Variants in KLHL13 observed in about 807,000 individuals in gnomAD.
KLHL13 encodes kelch-like protein 13.
Under a neutral mutation model 37.1 loss-of-function variants are expected in KLHL13, and 10 were observed. The observed-to-expected ratio is 0.27, with a 90% CI of 0.17 to 0.46. KLHL13 has a LOEUF of 0.46. Among genes scored for constraint, KLHL13 ranks in the 20% least tolerant of loss-of-function variants. The pLI, the probability that KLHL13 is intolerant of heterozygous loss-of-function variation, is 1.00. For missense variants in KLHL13, 360 were observed against 509.3 expected (o/e 0.71, Z 2.82); for synonymous variants, 163 against 181.2 (o/e 0.90, Z 0.81).
chrX:118,029,988 G>T (rs917319466), intron 1 of KLHL13, among the ~76,000 whole-genome samples: 4 of 109,362 alleles, frequency 3.7e-5, no homozygotes, highest in African/African-American at 1.0e-4. Flanking sequence ...AATAATAAAA[G>T]AAAAGAAAAA....
intron 2 of KLHL13, among the ~76,000 whole-genome samples, chrX:117,939,701 CT>C (rs202022134): frequency 2.7e-5 from 3 of 111,341 alleles, no homozygotes; most frequent in African/African-American, 6.6e-5. Context: ...TAATCATGAG[CT>C]TTTTTTTCAT....
intron 1 of KLHL13, among the ~76,000 whole-genome samples, chrX:117,981,289 A>C (rs1181601513): frequency 1.8e-5 from 2 of 112,194 alleles, no homozygotes; most frequent in African/African-American, 6.5e-5. Context: ...TTTGGATGCA[A>C]TGGCTATCCA....
At chrX:117,936,411 ACCTGCTCAAGCCAACCG>A (rs1318279647) in intron 2 of KLHL13, among the ~76,000 whole-genome samples, 2 of 111,961 alleles carry the variant, frequency 1.8e-5, no homozygotes, top group Admixed American at 1.9e-4. Flanking sequence ...AACCTGCTAG[ACCTGCTCAAGCCAACCG>A]CCTGCTCAAG....
At chrX:118,062,613 A>C (rs960033759) in intron 1 of KLHL13, among the ~76,000 whole-genome samples, 16 of 110,644 alleles carry the variant, frequency 1.4e-4, no homozygotes, top group South Asian at 3.8e-4. Context: ...TTGGGCCCTC[A>C]CAGTCATATC....
chrX:118,029,337 AT>A (rs1325912700), intron 1 of KLHL13, among the ~76,000 whole-genome samples: 1 of 111,928 alleles, frequency 8.9e-6, no homozygotes, highest in Non-Finnish European at 1.9e-5. Flanking sequence ...TTGCAAAAAA[AT>A]ATAAGCTAGA....
chrX:117,941,165 T>C (rs1933010556), intron 2 of KLHL13, among the ~76,000 whole-genome samples: 1 of 112,132 alleles, frequency 8.9e-6, no homozygotes, highest in African/African-American at 3.2e-5. Flanking sequence ...GTGTGTTGAA[T>C]TTTGTCAAAG....
rs185758713 is a variant in KLHL13, at chrX:118,057,813, G to A, written c.-56+58695C>T. ...TGCACTCCAGTCTGGGCAACAGAGC[G>A]AGAGTCCATTTCAAAAAAAAAAAAG... On this transcript the variant is annotated intron_variant, in intron 1 of 6. Transcript: ENST00000371882. 8.4e-3 allele frequency among the ~76,000 whole-genome samples: 913 copies of A among 108,834 alleles called. 7 individuals carry two copies. The highest frequency in any genetic ancestry group is 0.013 in the Non-Finnish European group (681 of 52,504). 94.5% of individuals were successfully genotyped at this position (108,834 alleles called of 115,157 possible).
At chrX:117,930,314 C>CAGGCAGGCAGGA (rs1569418665) in intron 2 of KLHL13, among the ~76,000 whole-genome samples, 16 of 102,442 alleles carry the variant, frequency 1.6e-4, no homozygotes, top group African/African-American at 5.5e-4. Context: ...GGCAGGCAGG[C>CAGGCAGGCAGGA]AGGCAGGAAG....
intron 1 of KLHL13, among the ~76,000 whole-genome samples, chrX:118,071,617 C>T (rs2054866264): frequency 9.0e-6 from 1 of 110,925 alleles, no homozygotes; most frequent in South Asian, 3.8e-4. Flanking sequence ...AGCTGATAAG[C>T]AACTTCAGCA....
intron 1 of KLHL13, among the ~76,000 whole-genome samples, chrX:118,018,812 T>G (rs745458273): frequency 1.8e-5 from 2 of 111,639 alleles, no homozygotes; most frequent in South Asian, 3.7e-4. Context: ...AAAGGTACTG[T>G]TTTTAAAAAT....
intron 2 of KLHL13, among the ~76,000 whole-genome samples, chrX:117,934,387 G>A (rs980883403): frequency 5.4e-5 from 6 of 111,914 alleles, no homozygotes; most frequent in Admixed American, 2.9e-4. Context: ...GAGAGGTAAT[G>A]TGTACAAATG....
chrX:118,077,123 T>G (rs2054937957), intron 1 of KLHL13, among the ~76,000 whole-genome samples: 1 of 111,547 alleles, frequency 9.0e-6, no homozygotes, highest in South Asian at 3.7e-4. Context: ...TGCCTGAACT[T>G]CAGTGAAAGT....
intron 1 of KLHL13, among the ~76,000 whole-genome samples, chrX:117,964,072 T>G: frequency 1.1e-5 from 1 of 91,728 alleles, no homozygotes; most frequent in South Asian, 6.7e-4. Context: ...GGGATAGCAT[T>G]GGGAGATATA....
At chrX:118,096,680 T>C (rs1175908006) in intron 1 of KLHL13, among the ~76,000 whole-genome samples, 1 of 111,529 alleles carries the variant, frequency 9.0e-6, no homozygotes, top group Non-Finnish European at 1.9e-5. Flanking sequence ...AAATCCTCAA[T>C]AAAATACTGG....
At chrX:117,956,049 A>G (rs1363671301) in intron 1 of KLHL13, among the ~76,000 whole-genome samples, 1 of 111,552 alleles carries the variant, frequency 9.0e-6, no homozygotes, top group Non-Finnish European at 1.9e-5. Context: ...AAGCCAGTTT[A>G]ATTAAGATCA....
At chrX:117,901,680 T>C (rs1485107172) in intron 6 of KLHL13, among the ~76,000 whole-genome samples, 153 bp downstream of exon 7, 1 of 109,885 alleles carries the variant, frequency 9.1e-6, no homozygotes, top group Non-Finnish European at 1.9e-5. Flanking sequence ...AATTTTTGTA[T>C]TTTTAATAGA....
intron 1 of KLHL13, among the ~76,000 whole-genome samples, chrX:118,059,497 T>C (rs1465302729): frequency 8.9e-6 from 1 of 111,738 alleles, no homozygotes; most frequent in African/African-American, 3.2e-5. Flanking sequence ...ACATCCATTT[T>C]AAGCGATTTG....
At chrX:117,992,234 T>TAAAAAAAAAAAA (rs773486522) in intron 1 of KLHL13, among the ~76,000 whole-genome samples, 40 of 83,983 alleles carry the variant, frequency 4.8e-4, no homozygotes, top group African/African-American at 8.2e-4. Context: ...AACTGAGATG[T>TAAAAAAAAAAAA]AAAAAAAAAA....
intron 1 of KLHL13, among the ~76,000 whole-genome samples, chrX:118,113,611 G>A (rs2055436446): frequency 8.9e-6 from 1 of 112,081 alleles, no homozygotes; most frequent in Non-Finnish European, 1.9e-5. Context: ...TCCTGACAAG[G>A]TAGGCCTATT....
Sources: gnomAD v4.1 joint callset for allele counts (sites outside exome capture counted in the v4.1 genomes callset) on GRCh38, gnomAD v4.1.1 for gene constraint, MANE v1.5 for transcripts, NCBI Gene and HGNC (gene_info 2026-07-23, HGNC 2026-07-21) for gene names.